The following ZNF407 variants were observed in gnomAD, a reference collection of about 807,000 sequenced individuals.
ZNF407 encodes the protein zinc finger protein 407.
Under a neutral mutation model 131.2 loss-of-function variants are expected in ZNF407, and 17 were observed. That is an observed-to-expected ratio of 0.13 (90% confidence interval 0.09 to 0.19). ZNF407 has a LOEUF of 0.19. ZNF407 is among the 10% of genes least tolerant of loss of function. ZNF407 has a pLI of 1.00. For missense variants in ZNF407, 2,681 were observed against 2,830.6 expected (o/e 0.95, Z 1.20); for synonymous variants, 1,156 against 1,062.0 (o/e 1.09, Z -1.72).
chr18:74,794,188 G>T (rs527411338), intron 4 of ZNF407, among the ~76,000 whole-genome samples: 1 of 152,272 alleles, frequency 6.6e-6, no homozygotes, highest in East Asian at 1.9e-4. Context: ...GACCTGCCTT[G>T]CCTCTCTGCC....
chr18:74,681,385 C>G (rs1397491347), intron 3 of ZNF407, among the ~76,000 whole-genome samples: 3 of 152,032 alleles, frequency 2.0e-5, no homozygotes. Flanking sequence ...CTGGGATTAC[C>G]AGTGCCTGCC....
intron 8 of ZNF407, among the ~76,000 whole-genome samples, chr18:75,043,378 T>C (rs190170402): frequency 1.3e-5 from 2 of 152,318 alleles, no homozygotes; most frequent in Non-Finnish European, 2.9e-5. Flanking sequence ...CCTGCACAGG[T>C]CATGTGCATG....
intron 3 of ZNF407, among the ~76,000 whole-genome samples, chr18:74,731,166 G>A (rs890697137): frequency 6.6e-6 from 1 of 152,118 alleles, no homozygotes; most frequent in South Asian, 2.1e-4. Flanking sequence ...AGCAATTTAT[G>A]TAAAAATAAT....
chr18:74,984,101 A>AGG, intron 8 of ZNF407, among the ~76,000 whole-genome samples: 1 of 152,362 alleles, frequency 6.6e-6, no homozygotes, highest in Admixed American at 6.5e-5. Flanking sequence ...AATTGACTTT[A>AGG]GAAAGGCTAG....
At chr18:75,028,279 G>A (rs575087921) in intron 8 of ZNF407, among the ~76,000 whole-genome samples, 97 of 152,316 alleles carry the variant, frequency 6.4e-4, no homozygotes, top group Non-Finnish European at 1.2e-3. Flanking sequence ...AGACCAAGGT[G>A]TTGGGCAGGA....
chr18:75,051,093 C>T (rs559815128), intron 8 of ZNF407, among the ~76,000 whole-genome samples: 11 of 152,030 alleles, frequency 7.2e-5, no homozygotes, highest in Admixed American at 3.9e-4. Context: ...GATGAGCACA[C>T]GTATGGATAA....
At chr18:74,874,132 C>G (rs1318289649) in intron 4 of ZNF407, among the ~76,000 whole-genome samples, 2 of 152,140 alleles carry the variant, frequency 1.3e-5, no homozygotes, top group African/African-American at 4.8e-5. Context: ...TACCTAAGAA[C>G]TGCAGATGGT....
intron 4 of ZNF407, among the ~76,000 whole-genome samples, chr18:74,796,129 A>C (rs1338758037): frequency 6.6e-6 from 1 of 152,248 alleles, no homozygotes; most frequent in Admixed American, 6.5e-5. Context: ...ATTCTAGAAA[A>C]AAATCTTAAT....
At chr18:74,873,778 G>T (rs537354705) in intron 4 of ZNF407, among the ~76,000 whole-genome samples, 9 of 151,994 alleles carry the variant, frequency 5.9e-5, no homozygotes, top group Non-Finnish European at 1.3e-4. Context: ...GACTTCCATG[G>T]CATAGCTACG....
Position 74,761,834 on chromosome 18 carries a change from C to T in ZNF407, c.4803-19594C>T, listed in dbSNP as rs1485516685. Among the ~76,000 whole-genome samples the T allele has an allele frequency of 3.3e-5, 5 of 152,128 alleles. No individual in the cohort carries two copies. In the East Asian group the frequency reaches 7.7e-4, roughly 23 times the overall value. ...GTATATCTAAATTATACATTTGCCA[C>T]CATGTAAACAATACCAAATAAAATG... is the stretch of plus-strand genomic sequence containing the variant. On this transcript the variant is annotated intron_variant, in intron 3 of 8. Transcript: ENST00000299687.
chr18:74,733,767 A>G (rs1968346774), intron 3 of ZNF407, among the ~76,000 whole-genome samples: 1 of 152,206 alleles, frequency 6.6e-6, no homozygotes, highest in Non-Finnish European at 1.5e-5. Flanking sequence ...TTCATGGACA[A>G]TTAGTGTCGT....
At chr18:74,854,109 G>A (rs1970826602) in intron 4 of ZNF407, among the ~76,000 whole-genome samples, 1 of 152,156 alleles carries the variant, frequency 6.6e-6, no homozygotes, top group South Asian at 2.1e-4. Context: ...TCAGCGTGAG[G>A]GGTTTAATGT....
At chr18:74,854,550 T>A (rs1200595928) in intron 4 of ZNF407, among the ~76,000 whole-genome samples, 1 of 152,192 alleles carries the variant, frequency 6.6e-6, no homozygotes, top group Non-Finnish European at 1.5e-5. Flanking sequence ...TAAGCTTTAG[T>A]TATTATGGCA....
At chr18:74,844,637 CTGA>C (rs1295310774) in intron 4 of ZNF407, among the ~76,000 whole-genome samples, 3 of 151,888 alleles carry the variant, frequency 2.0e-5, no homozygotes, top group Non-Finnish European at 4.4e-5. Flanking sequence ...AAAACACAAT[CTGA>C]TGTTTTTCAA....
chr18:74,678,101 G>A (rs141022994), intron 3 of ZNF407, among the ~76,000 whole-genome samples: 3 of 152,112 alleles, frequency 2.0e-5, no homozygotes, highest in South Asian at 2.1e-4. Context: ...GATTACAGGC[G>A]TGAGCCACTG....
At chr18:74,613,277 AT>A (rs1983143724) in intron 1 of ZNF407, among the ~76,000 whole-genome samples, 1 of 146,738 alleles carries the variant, frequency 6.8e-6, no homozygotes, top group African/African-American at 2.6e-5. Flanking sequence ...TGTCATATTT[AT>A]CTTATATTAT....
At chr18:74,602,806 T>A (rs749897768) in intron 1 of ZNF407, among the ~76,000 whole-genome samples, 18 of 152,298 alleles carry the variant, frequency 1.2e-4, no homozygotes, top group African/African-American at 3.8e-4. Context: ...GCTCCTCTTA[T>A]GTCCAGTGTA....
chr18:74,606,688 T>A (rs776312447), intron 1 of ZNF407, among the ~76,000 whole-genome samples: 1 of 152,236 alleles, frequency 6.6e-6, no homozygotes, highest in Non-Finnish European at 1.5e-5. Flanking sequence ...AGGAGACATT[T>A]GAGTGTCAGT....
intron 8 of ZNF407, among the ~76,000 whole-genome samples, chr18:74,956,635 G>A (rs1972278686): frequency 6.6e-6 from 1 of 152,164 alleles, no homozygotes; most frequent in Non-Finnish European, 1.5e-5. Context: ...GTGATGTGAT[G>A]AAGGGACAGT....
Sources: allele counts gnomAD v4.1 joint callset (sites outside exome capture counted in the v4.1 genomes callset), GRCh38; gene constraint gnomAD v4.1.1; transcripts MANE v1.5; gene names NCBI Gene and HGNC (gene_info 2026-07-23, HGNC 2026-07-21).